The following ASIC2 variants were observed in gnomAD, a reference collection of about 807,000 sequenced individuals.
ASIC2 encodes acid-sensing ion channel 2.
In ASIC2, 25 loss-of-function variants were observed where a neutral mutation model predicts 57.3. That is an observed-to-expected ratio of 0.44 (90% confidence interval 0.32 to 0.61). The LOEUF is 0.61. Among genes scored for constraint, ASIC2 ranks in the 20% least tolerant of loss-of-function variants. The pLI is 0.06. For missense variants in ASIC2, 641 were observed against 738.1 expected (o/e 0.87, Z 1.52); for synonymous variants, 319 against 307.5 (o/e 1.04, Z -0.39).
chr17:34,119,140 G>A (rs1911516756), intron 1 of ASIC2, among the ~76,000 whole-genome samples: 1 of 152,162 alleles, frequency 6.6e-6, no homozygotes, highest in Non-Finnish European at 1.5e-5. Flanking sequence ...TTCAAAGGAA[G>A]CAAGTTTTAA....
chr17:33,415,165 A>T (rs1039766371), intron 1 of ASIC2, among the ~76,000 whole-genome samples: 1 of 152,100 alleles, frequency 6.6e-6, no homozygotes, highest in African/African-American at 2.4e-5. Context: ...AAAACATGAC[A>T]CTTGGACTAG....
At chr17:33,825,060 C>G (rs971912576) in intron 1 of ASIC2, among the ~76,000 whole-genome samples, 6 of 152,306 alleles carry the variant, frequency 3.9e-5, no homozygotes, top group Middle Eastern at 3.4e-3. Flanking sequence ...GTACACAATA[C>G]CCAGCCCATA....
At chr17:33,957,472 A>C (rs968118413) in intron 1 of ASIC2, among the ~76,000 whole-genome samples, 5 of 152,156 alleles carry the variant, frequency 3.3e-5, no homozygotes, top group African/African-American at 9.7e-5. Flanking sequence ...ATGGCTGGGG[A>C]GGCCTCACAA....
intron 3 of ASIC2, among the ~76,000 whole-genome samples, chr17:33,030,173 A>C (rs1224349649): frequency 1.3e-5 from 2 of 152,174 alleles, no homozygotes; most frequent in Non-Finnish European, 2.9e-5. Flanking sequence ...TTAATGTTCA[A>C]TTTAATAAAT....
intron 1 of ASIC2, among the ~76,000 whole-genome samples, chr17:33,594,278 C>G (rs1904913355): frequency 6.6e-6 from 1 of 152,232 alleles, no homozygotes. Flanking sequence ...TCAGAGCTGT[C>G]TCTGGTTTGC....
intron 1 of ASIC2, among the ~76,000 whole-genome samples, chr17:33,937,810 C>T (rs1450258499): frequency 1.3e-5 from 2 of 152,176 alleles, no homozygotes; most frequent in Non-Finnish European, 1.5e-5. Flanking sequence ...TGTTTTCCCC[C>T]ACTGCTTTTA....
chr17:33,027,781 A>T (rs552410244), intron 4 of ASIC2, among the ~76,000 whole-genome samples: 19 of 152,370 alleles, frequency 1.2e-4, no homozygotes, highest in Non-Finnish European at 2.4e-4. Context: ...TTAGTCTGAC[A>T]ACAGAGGTGT....
In ASIC2 at chr17:33,033,650, G is replaced by A. The variant is rs527495779; in HGVS notation, c.988-5258C>T. ...TCCTCTGAACTTGGAGCAGGGTTGGGGCCATGAATGACAGCAGGAGGCAGA... is the reference window on the plus strand; with the variant it reads ...TCCTCTGAACTTGGAGCAGGGTTGGAGCCATGAATGACAGCAGGAGGCAGA... On this transcript the variant is annotated intron_variant, in intron 3 of 9. Coordinates refer to ENST00000225823, the MANE Select transcript of ASIC2 (RefSeq NM_183377.2). Among the ~76,000 whole-genome samples, 15 of 152,234 alleles carry A rather than the reference G, an allele frequency of 9.9e-5. No homozygotes were observed. In the South Asian group the frequency reaches 1.5e-3, roughly 15 times the overall value.
At chr17:33,199,077 T>G (rs2142076072) in intron 1 of ASIC2, among the ~76,000 whole-genome samples, 1 of 152,306 alleles carries the variant, frequency 6.6e-6, no homozygotes, top group African/African-American at 2.4e-5. Flanking sequence ...AACGAATACC[T>G]CAGTTAATTT....
intron 1 of ASIC2, among the ~76,000 whole-genome samples, chr17:33,562,914 C>G (rs1464077278): frequency 2.0e-5 from 3 of 152,166 alleles, no homozygotes; most frequent in Non-Finnish European, 2.9e-5. Flanking sequence ...GATTCATTTT[C>G]TGCACTCCCT....
chr17:33,405,466 C>G (rs1910436494), intron 1 of ASIC2, among the ~76,000 whole-genome samples: 1 of 147,604 alleles, frequency 6.8e-6, no homozygotes, highest in Non-Finnish European at 1.5e-5. Flanking sequence ...TCCTTTCTTT[C>G]TTTCTTTTTC....
chr17:33,464,693 ATATATATATATG>A (rs1338375874), intron 1 of ASIC2, among the ~76,000 whole-genome samples: 1 of 122,528 alleles, frequency 8.2e-6, no homozygotes, highest in African/African-American at 3.1e-5. Flanking sequence ...CTCTCTATAT[ATATATATATATG>A]TATATATATG....
chr17:34,099,158 GAGAGAGAAAGAA>G (rs1567820912), intron 1 of ASIC2, among the ~76,000 whole-genome samples: 18 of 28,920 alleles, frequency 6.2e-4, no homozygotes, highest in African/African-American at 1.1e-3. Flanking sequence ...GAGAGAGAGA[GAGAGAGAAAGAA>G]AGAAAGAAAG....
At chr17:33,403,419 A>T (rs1910352933) in intron 1 of ASIC2, among the ~76,000 whole-genome samples, 1 of 152,148 alleles carries the variant, frequency 6.6e-6, no homozygotes, top group African/African-American at 2.4e-5. Context: ...AGCTGGGTTG[A>T]GCTTATCTTG....
At chr17:33,348,026 C>A (rs995764520) in intron 1 of ASIC2, among the ~76,000 whole-genome samples, 1 of 152,110 alleles carries the variant, frequency 6.6e-6, no homozygotes, top group African/African-American at 2.4e-5. Context: ...CGCTTGAACC[C>A]AGGAAGTAGA....
intron 1 of ASIC2, among the ~76,000 whole-genome samples, chr17:33,270,992 C>T (rs1030738048): frequency 1.3e-5 from 2 of 152,224 alleles, no homozygotes; most frequent in Non-Finnish European, 2.9e-5. Context: ...ATGGCACCAC[C>T]AGGACCTGGG....
chr17:33,123,974 A>G (rs1457656786), intron 1 of ASIC2, among the ~76,000 whole-genome samples: 1 of 152,226 alleles, frequency 6.6e-6, no homozygotes, highest in African/African-American at 2.4e-5. Flanking sequence ...AAACCAAATG[A>G]TAGTTTATGA....
At chr17:33,797,537 G>T (rs956867762) in intron 1 of ASIC2, among the ~76,000 whole-genome samples, 4 of 152,148 alleles carry the variant, frequency 2.6e-5, no homozygotes, top group African/African-American at 7.2e-5. Context: ...GTCTAATTTT[G>T]TTGGTCCATG....
At chr17:33,884,917 G>A (rs563526530) in intron 1 of ASIC2, among the ~76,000 whole-genome samples, 1 of 152,196 alleles carries the variant, frequency 6.6e-6, no homozygotes, top group Non-Finnish European at 1.5e-5. Context: ...TACTTGGGGA[G>A]TTCCGACAAA....
Sources: gnomAD v4.1 joint callset for allele counts (sites outside exome capture counted in the v4.1 genomes callset) on GRCh38, gnomAD v4.1.1 for gene constraint, MANE v1.5 for transcripts, NCBI Gene and HGNC (gene_info 2026-07-23, HGNC 2026-07-21) for gene names.